Variants in CNTN1 observed in about 807,000 individuals in gnomAD.
CNTN1 encodes contactin-1.
In CNTN1, 38 loss-of-function variants were observed where a neutral mutation model predicts 126.4. The observed-to-expected ratio is 0.30, with a 90% confidence interval of 0.23 to 0.39. CNTN1 has a LOEUF of 0.39. Ranked by LOEUF, CNTN1 falls within the 10% of genes least tolerant of loss-of-function variation. CNTN1 has a pLI of 1.00. For missense variants in CNTN1, 1,009 were observed against 1,248.4 expected, an observed-to-expected ratio of 0.81 and a Z score of 2.89; for synonymous variants, 413 against 422.6, an observed-to-expected ratio of 0.98 and a Z score of 0.28.
intron 1 of CNTN1, among the ~76,000 whole-genome samples, chr12:40,785,197 C>T (rs1206173351): frequency 6.6e-6 from 1 of 152,050 alleles, no homozygotes; most frequent in Non-Finnish European, 1.5e-5. Flanking sequence ...ATTTTTGCAT[C>T]ACTATGAAGA....
intron 1 of CNTN1, among the ~76,000 whole-genome samples, chr12:40,787,700 A>T (rs1467691890): frequency 2.0e-5 from 3 of 151,660 alleles, no homozygotes; most frequent in Non-Finnish European, 4.4e-5. Flanking sequence ...ATAACTGTGA[A>T]TTTTTTCATA....
At chr12:41,031,100 A>G (rs1231638754) in intron 23 of CNTN1, among the ~76,000 whole-genome samples, 1 of 152,164 alleles carries the variant, frequency 6.6e-6, no homozygotes, top group Non-Finnish European at 1.5e-5. Flanking sequence ...TCCTCACCGA[A>G]AGGAGAACCT....
chr12:40,742,330 ATAG>A (rs1937978794), intron 1 of CNTN1: 1 of 152,126 alleles, frequency 6.6e-6, no homozygotes. Context: ...GTATTTCACC[ATAG>A]TAGTTCTTGT....
chr12:40,937,696 C>T lies in CNTN1; in HGVS notation c.1228+9C>T. On this transcript the variant is annotated intron_variant, in intron 11 of 23. Transcript: ENST00000551295. ...TGAGTTGAAGATCTTGGGTCAGTAT[C>T]ATTTCTAATTTCTGTTAAACATTGT... 2 of 1,467,876 alleles carry T rather than the reference C, an allele frequency of 1.4e-6. No individual in the cohort carries two copies. 90.9% of individuals were successfully genotyped at this position (1,467,876 alleles called of 1,614,324 possible).
At chr12:40,953,751 C>T (rs1946769028) in intron 14 of CNTN1, among the ~76,000 whole-genome samples, 1 of 151,714 alleles carries the variant, frequency 6.6e-6, no homozygotes, top group African/African-American at 2.4e-5. Flanking sequence ...GGATATAAAA[C>T]AGTTTGTGCT....
intron 1 of CNTN1, among the ~76,000 whole-genome samples, chr12:40,901,364 T>C (rs1944602616): frequency 6.6e-6 from 1 of 152,166 alleles, no homozygotes; most frequent in African/African-American, 2.4e-5. Context: ...TGGTCCAGGG[T>C]CCACTTAACA....
intron 17 of CNTN1, among the ~76,000 whole-genome samples, chr12:40,996,584 A>G (rs182683518): frequency 6.6e-6 from 1 of 152,362 alleles, no homozygotes; most frequent in Admixed American, 6.5e-5. Context: ...TCCTTTAAAA[A>G]TTTAATATGC....
chr12:40,776,507 T>G (rs1297065421), intron 1 of CNTN1, among the ~76,000 whole-genome samples: 1 of 151,766 alleles, frequency 6.6e-6, no homozygotes, highest in Non-Finnish European at 1.5e-5. Context: ...TACTCATGCC[T>G]CATTTTTATA....
At chr12:41,007,475 G>C (rs147577600) in intron 17 of CNTN1, among the ~76,000 whole-genome samples, 40 of 152,270 alleles carry the variant, frequency 2.6e-4, no homozygotes, top group African/African-American at 7.9e-4. Context: ...GAAAACTTAG[G>C]ACATGGACTC....
At chr12:40,703,752 G>A (rs1029415829) in intron 1 of CNTN1, among the ~76,000 whole-genome samples, 6 of 151,024 alleles carry the variant, frequency 4.0e-5, no homozygotes, top group East Asian at 2.0e-4. Context: ...AAGAAGTGAC[G>A]TGAATAATAT....
intron 1 of CNTN1, among the ~76,000 whole-genome samples, chr12:40,728,019 C>T (rs963085208): frequency 6.6e-6 from 1 of 152,100 alleles, no homozygotes; most frequent in African/African-American, 2.4e-5. Flanking sequence ...CTTCTTAGGC[C>T]AGGACAGTTT....
chr12:41,002,532 T>C (rs1209104379), intron 17 of CNTN1, among the ~76,000 whole-genome samples: 1 of 151,926 alleles, frequency 6.6e-6, no homozygotes, highest in Non-Finnish European at 1.5e-5. Context: ...TAAGAAGCTT[T>C]TGGGCTGAGA....
intron 23 of CNTN1, among the ~76,000 whole-genome samples, chr12:41,031,648 A>AT (rs1340803837): frequency 6.6e-6 from 1 of 152,090 alleles, no homozygotes; most frequent in East Asian, 1.9e-4. Flanking sequence ...ATAGAAGAGT[A>AT]TTTTTTTAAT....
chr12:40,906,439 G>A (rs1944818959), intron 1 of CNTN1, among the ~76,000 whole-genome samples: 1 of 152,002 alleles, frequency 6.6e-6, no homozygotes, highest in Non-Finnish European at 1.5e-5. Flanking sequence ...CCATGGTCCA[G>A]GTAAAAATTT....
intron 15 of CNTN1, chr12:40,971,570 G>C: frequency 1.3e-6 from 2 of 1,549,370 alleles, no homozygotes; most frequent in Non-Finnish European, 1.7e-6. Context: ...TATTATACTA[G>C]ATTTGACTAA....
intron 1 of CNTN1, among the ~76,000 whole-genome samples, chr12:40,736,961 A>G (rs1049015110): frequency 6.6e-6 from 1 of 152,014 alleles, no homozygotes; most frequent in Admixed American, 6.6e-5. Context: ...TTTCAACATT[A>G]TAAAAATAAA....
chr12:40,704,606 C>T (rs1941688919), intron 1 of CNTN1, among the ~76,000 whole-genome samples: 1 of 152,092 alleles, frequency 6.6e-6, no homozygotes, highest in Non-Finnish European at 1.5e-5. Flanking sequence ...CTAGCTATGG[C>T]TTAGAATACT....
chr12:41,043,076 A>T (rs1190541367), intron 23 of CNTN1, among the ~76,000 whole-genome samples: 2 of 151,820 alleles, frequency 1.3e-5, no homozygotes, highest in Admixed American at 6.6e-5. Flanking sequence ...TTACCATTCA[A>T]GACATAGGCA....
chr12:40,854,474 A>G (rs565556024), intron 1 of CNTN1, among the ~76,000 whole-genome samples: 3 of 152,232 alleles, frequency 2.0e-5, no homozygotes, highest in Admixed American at 2.0e-4. Flanking sequence ...TGGTTTTTTA[A>G]AGATGTGAAT....
Sources: gnomAD v4.1 joint callset for allele counts (sites outside exome capture counted in the v4.1 genomes callset) on GRCh38, gnomAD v4.1.1 for gene constraint, MANE v1.5 for transcripts, NCBI Gene and HGNC (gene_info 2026-07-23, HGNC 2026-07-21) for gene names.